Variants in LDLRAD3 observed in about 807,000 individuals in gnomAD.
LDLRAD3 encodes low density lipoprotein receptor class A domain containing 3.
In LDLRAD3, 20 loss-of-function variants were observed where a neutral mutation model predicts 29.4. The ratio of observed to expected loss-of-function variants is 0.68; its 90% confidence interval spans 0.48 to 0.99. LDLRAD3 has a LOEUF of 0.99. Among genes scored for constraint, LDLRAD3 ranks in the 50% least tolerant of loss-of-function variants. The pLI is 0.00. For missense variants in LDLRAD3, 420 were observed against 454.3 expected (o/e 0.92, Z 0.69); for synonymous variants, 157 against 192.7 (o/e 0.81, Z 1.53).
intron 4 of LDLRAD3, among the ~76,000 whole-genome samples, chr11:36,121,198 T>C (rs1209485121): frequency 6.6e-6 from 1 of 152,026 alleles, no homozygotes; most frequent in East Asian, 1.9e-4. Flanking sequence ...AGAGCAGCAG[T>C]GGCCAAGGGA....
At chr11:36,166,525 A>G (rs1439742417) in intron 4 of LDLRAD3, among the ~76,000 whole-genome samples, 2 of 152,212 alleles carry the variant, frequency 1.3e-5, no homozygotes, top group African/African-American at 4.8e-5. Flanking sequence ...TTTGTTTGAC[A>G]AATATTTATT....
At chr11:36,076,987 A>G (rs372877263) in intron 2 of LDLRAD3, among the ~76,000 whole-genome samples, 2 of 151,930 alleles carry the variant, frequency 1.3e-5, no homozygotes, top group African/African-American at 4.8e-5. Context: ...GTTATTGTTT[A>G]TATTTCATTT....
At chr11:36,215,412 G>A (rs1187099028) in intron 4 of LDLRAD3, among the ~76,000 whole-genome samples, 1 of 152,186 alleles carries the variant, frequency 6.6e-6, no homozygotes, top group Non-Finnish European at 1.5e-5. Flanking sequence ...ACACTACGGG[G>A]AGCCAGAGTG....
intron 4 of LDLRAD3, among the ~76,000 whole-genome samples, chr11:36,125,364 C>T (rs79977676): frequency 0.019 from 2,873 of 152,216 alleles, 79 homozygotes; most frequent in African/African-American, 0.066. Context: ...TTTCTGTCCT[C>T]GTTTTCTCTG....
chr11:35,956,728 T>C (rs909490097), intron 1 of LDLRAD3, among the ~76,000 whole-genome samples: 8 of 152,180 alleles, frequency 5.3e-5, no homozygotes, highest in African/African-American at 1.9e-4. Context: ...CTTAACTTTA[T>C]TTTTATTTAT....
At chr11:36,008,077 G>A (rs1466160042) in intron 1 of LDLRAD3, among the ~76,000 whole-genome samples, 3 of 152,070 alleles carry the variant, frequency 2.0e-5, no homozygotes, top group African/African-American at 4.8e-5. Context: ...GATTAAAGTT[G>A]TTATAAATAT....
At chr11:36,122,695 CCTAT>C (rs1853776939) in intron 4 of LDLRAD3, among the ~76,000 whole-genome samples, 2 of 152,082 alleles carry the variant, frequency 1.3e-5, no homozygotes, top group African/African-American at 4.8e-5. Context: ...ACAGATAATT[CCTAT>C]CTAACTGCTT....
At chr11:36,137,278 A>G (rs1208281059) in intron 4 of LDLRAD3, among the ~76,000 whole-genome samples, 1 of 152,254 alleles carries the variant, frequency 6.6e-6, no homozygotes, top group East Asian at 1.9e-4. Context: ...CTGCTGGGGT[A>G]GCCAGAACAT....
At chr11:36,122,738 G>A (rs1354893043) in intron 4 of LDLRAD3, among the ~76,000 whole-genome samples, 2 of 152,076 alleles carry the variant, frequency 1.3e-5, no homozygotes, top group Non-Finnish European at 1.5e-5. Flanking sequence ...TCATGGTACT[G>A]CCTGGTGTGA....
chr11:36,175,565 C>T (rs1417275955), intron 4 of LDLRAD3, among the ~76,000 whole-genome samples: 2 of 152,158 alleles, frequency 1.3e-5, no homozygotes, highest in Admixed American at 1.3e-4. Context: ...TCATTGTTGA[C>T]CCAGAGATCA....
At position 36,011,006 on chromosome 11, in the gene LDLRAD3, T is replaced by C. The variant is rs1167418392; in HGVS notation, c.47-25097T>C. ...TTTTAGTAGAGGTGGGGTTTCTCCATGTTGGTCAGGCTGGTCTCGAACTCC... is the reference window on the plus strand; with the variant it reads ...TTTTAGTAGAGGTGGGGTTTCTCCACGTTGGTCAGGCTGGTCTCGAACTCC... On this transcript the variant is annotated intron_variant, in intron 1 of 5. Coordinates refer to ENST00000315571, the MANE Select transcript of LDLRAD3 (RefSeq NM_174902.4). 2.6e-5 allele frequency among the ~76,000 whole-genome samples: 4 copies of C among 152,152 alleles called. No homozygotes were observed. In the East Asian group the frequency reaches 5.8e-4, roughly 22 times the overall value.
chr11:36,034,888 G>T (rs1852283493), intron 1 of LDLRAD3, among the ~76,000 whole-genome samples: 1 of 152,232 alleles, frequency 6.6e-6, no homozygotes, highest in South Asian at 2.1e-4. Context: ...ATAGTGGCCT[G>T]TAGGAGGATA....
intron 3 of LDLRAD3, among the ~76,000 whole-genome samples, chr11:36,096,576 CAT>C (rs1306958598): frequency 1.3e-5 from 2 of 152,380 alleles, no homozygotes; most frequent in East Asian, 3.9e-4. Context: ...ATGAGTGTAA[CAT>C]TCCCTGAGCC....
chr11:36,014,862 T>C (rs1852000879), intron 1 of LDLRAD3, among the ~76,000 whole-genome samples: 1 of 152,218 alleles, frequency 6.6e-6, no homozygotes, highest in South Asian at 2.1e-4. Context: ...TATTTTATTT[T>C]TTGCCAAAGA....
At chr11:36,180,405 T>C (rs935207595) in intron 4 of LDLRAD3, among the ~76,000 whole-genome samples, 15 of 152,258 alleles carry the variant, frequency 9.9e-5, no homozygotes, top group African/African-American at 3.6e-4. Flanking sequence ...CAGCAGTGAA[T>C]ACAATGAGCC....
At chr11:36,044,274 A>G (rs1852419448) in intron 2 of LDLRAD3, among the ~76,000 whole-genome samples, 1 of 152,188 alleles carries the variant, frequency 6.6e-6, no homozygotes, top group South Asian at 2.1e-4. Flanking sequence ...TGCTGTGTGC[A>G]GGCCGTAAGC....
rs557939353 is a variant in LDLRAD3, at chr11:36,140,992, T to TTCTCTCTCTCTCTCTCTCTCTCTC, written c.454+42552_454+42575dup. On this transcript the variant is annotated intron_variant, in intron 4 of 5. Transcript: ENST00000315571. ...TTTTAATTCTGGGTGCTGTTGAGCT[T>TTCTCTCTCTCTCTCTCTCTCTCTC]TCTCTCTCTCTCTCTCTCTCTCTCT... 2.4e-4 allele frequency among the ~76,000 whole-genome samples: 26 copies of TTCTCTCTCTCTCTCTCTCTCTCTC among 110,056 alleles called. 3 individuals are homozygous for TTCTCTCTCTCTCTCTCTCTCTCTC. The highest frequency in any genetic ancestry group is 8.7e-4 in the East Asian group (3 of 3,432). 72.2% of individuals were successfully genotyped at this position (110,056 alleles called of 152,430 possible). A position where few individuals can be genotyped will look rare whatever the true frequency, so the allele number is the denominator to read the frequency against.
chr11:36,035,275 T>C (rs1042448808), intron 1 of LDLRAD3, among the ~76,000 whole-genome samples: 20 of 151,718 alleles, frequency 1.3e-4, no homozygotes, highest in African/African-American at 4.8e-4. Flanking sequence ...GTCAGATCGA[T>C]CAGATCCTGG....
intron 2 of LDLRAD3, among the ~76,000 whole-genome samples, chr11:36,078,460 C>T (rs1024333148): frequency 5.9e-5 from 9 of 152,174 alleles, no homozygotes; most frequent in African/African-American, 1.7e-4. Flanking sequence ...GTCAGTGCTG[C>T]CCTGAGCGTG....
Sources: gnomAD v4.1 joint callset for allele counts (sites outside exome capture counted in the v4.1 genomes callset) on GRCh38, gnomAD v4.1.1 for gene constraint, MANE v1.5 for transcripts, NCBI Gene and HGNC (gene_info 2026-07-23, HGNC 2026-07-21) for gene names.